NCAM2: variants seen among roughly 807,000 people sequenced by gnomAD.
NCAM2 encodes the protein neural cell adhesion molecule 2, also known as N-CAM-2.
Under a neutral mutation model 98.1 loss-of-function variants are expected in NCAM2, and 30 were observed. The ratio of observed to expected loss-of-function variants is 0.31; its 90% CI spans 0.23 to 0.41. The LOEUF (loss-of-function observed/expected upper bound fraction) is 0.41, where lower values mean the gene tolerates loss of function less well. Among genes scored for constraint, NCAM2 ranks in the 10% least tolerant of loss-of-function variants. The pLI is 1.00. For synonymous variants in NCAM2, 368 were observed against 342.4 expected (o/e 1.07, Z -0.83); for missense variants, 867 against 1,005.8 (o/e 0.86, Z 1.87).
chr21:21,189,752 G>A (rs969576354), intron 1 of NCAM2, among the ~76,000 whole-genome samples: 7 of 152,068 alleles, frequency 4.6e-5, no homozygotes, highest in Non-Finnish European at 8.8e-5. Flanking sequence ...GTTTATAGAA[G>A]GGTCTTTCTG....
intron 1 of NCAM2, among the ~76,000 whole-genome samples, chr21:21,154,695 C>T (rs2067556577): frequency 6.6e-6 from 1 of 151,718 alleles, no homozygotes; most frequent in Admixed American, 6.6e-5. Flanking sequence ...AGAGTCTGCC[C>T]AGAAAACTCT....
chr21:21,084,413 A>T (rs2065868711), intron 1 of NCAM2, among the ~76,000 whole-genome samples: 1 of 152,132 alleles, frequency 6.6e-6, no homozygotes, highest in Admixed American at 6.5e-5. Context: ...AGTGTTTTTC[A>T]TGTTGTTCTT....
chr21:21,212,861 G>A (rs1316439912), intron 1 of NCAM2, among the ~76,000 whole-genome samples: 1 of 150,904 alleles, frequency 6.6e-6, no homozygotes, highest in Non-Finnish European at 1.5e-5. Flanking sequence ...TCCTGCCTCA[G>A]CCTCCCGAGT....
chr21:21,088,071 G>C (rs1166680829), intron 1 of NCAM2, among the ~76,000 whole-genome samples: 1 of 151,916 alleles, frequency 6.6e-6, no homozygotes, highest in Non-Finnish European at 1.5e-5. Context: ...AACTGTAATT[G>C]CATATGGCTA....
At chr21:21,058,042 A>G (rs907188684) in intron 1 of NCAM2, among the ~76,000 whole-genome samples, 1 of 151,758 alleles carries the variant, frequency 6.6e-6, no homozygotes, top group African/African-American at 2.4e-5. Context: ...TCCTTAATCA[A>G]CAGCCATCTG....
chr21:21,530,137 AATTTAATTTAATTATATATG>A (rs1989555730), intron 16 of NCAM2, among the ~76,000 whole-genome samples: 2 of 143,396 alleles, frequency 1.4e-5, no homozygotes, highest in African/African-American at 5.0e-5. Context: ...TATATGATTT[AATTTAATTTAATTATATATG>A]ATTTAATTTA....
chr21:21,039,091 GTAGT>G (rs953807645), intron 1 of NCAM2, among the ~76,000 whole-genome samples: 6 of 152,158 alleles, frequency 3.9e-5, no homozygotes, highest in African/African-American at 1.4e-4. Flanking sequence ...TATATGACAT[GTAGT>G]TAATTAAGAA....
chr21:21,266,544 A>G (rs1023262730), intron 1 of NCAM2, among the ~76,000 whole-genome samples: 6 of 152,138 alleles, frequency 3.9e-5, no homozygotes, highest in Non-Finnish European at 7.3e-5. Flanking sequence ...TGCAGCCATA[A>G]AAAAGGATGA....
At chr21:21,329,115 C>T (rs575122480) in intron 6 of NCAM2, among the ~76,000 whole-genome samples, 18 of 151,986 alleles carry the variant, frequency 1.2e-4, no homozygotes, top group East Asian at 1.9e-4. Context: ...CCACCATGCC[C>T]GGCTAATTTT....
intron 12 of NCAM2, among the ~76,000 whole-genome samples, chr21:21,451,418 ATTAATTC>A (rs1981053068): frequency 6.6e-6 from 1 of 152,192 alleles, no homozygotes; most frequent in Admixed American, 6.6e-5. Context: ...GTTCTTCAAT[ATTAATTC>A]TTAATGAACA....
In NCAM2 at chr21:21,265,116, A is replaced by AGTATATATGTATATATTATATATG. The variant is rs1568855857; in HGVS notation, c.56-15462_56-15461insGTATATATGTATATATTATATATG. ...ATATATACATATATAATATATATACATACATATATTATATATACATATATA... is the reference window on the plus strand; with the variant it reads ...ATATATACATATATAATATATATACAGTATATATGTATATATTATATATGTACATATATTATATATACATATATA... On this transcript the variant is annotated intron_variant, in intron 1 of 17. Coordinates refer to ENST00000400546, the MANE Select transcript of NCAM2 (RefSeq NM_004540.5). Among the ~76,000 whole-genome samples, 95 of 46,016 alleles carry AGTATATATGTATATATTATATATG rather than the reference A, an allele frequency of 2.1e-3. 1 individual carries two copies. Among genetic ancestry groups the AGTATATATGTATATATTATATATG allele is most frequent in the African/African-American group, 6.2e-3 (90 of 14,582 alleles). 30.2% of individuals were successfully genotyped at this position (46,016 alleles called of 152,430 possible). A position where few individuals can be genotyped will look rare whatever the true frequency, so the allele number is the denominator to read the frequency against.
rs376261615 is a variant in NCAM2, at chr21:21,106,621, T to C, written c.55+108003T>C. 4.6e-5 allele frequency among the ~76,000 whole-genome samples: 7 copies of C among 151,950 alleles called. No individual in the cohort carries two copies. In the South Asian group the frequency reaches 1.0e-3, roughly 23 times the overall value. ...TTTGTAGTCTTTATGCTTACATCTT[T>C]AGGTCTTTAGAAAACATTATTTTTA... On this transcript the variant is annotated intron_variant, in intron 1 of 17. Transcript: ENST00000400546.
intron 15 of NCAM2, among the ~76,000 whole-genome samples, chr21:21,505,221 A>G (rs549804619): frequency 6.6e-6 from 1 of 152,178 alleles, no homozygotes; most frequent in African/African-American, 2.4e-5. Context: ...GGGCTCCTAT[A>G]TGGTTAAAAA....
chr21:21,474,244 T>G (rs962781369), intron 14 of NCAM2, among the ~76,000 whole-genome samples: 3 of 151,956 alleles, frequency 2.0e-5, no homozygotes, highest in Non-Finnish European at 4.4e-5. Context: ...GAAAGGAAAA[T>G]GTAATTGATT....
chr21:21,243,634 ACTAT>A (rs1437875257), intron 1 of NCAM2, among the ~76,000 whole-genome samples: 1 of 152,138 alleles, frequency 6.6e-6, no homozygotes, highest in African/African-American at 2.4e-5. Context: ...CCATCACATG[ACTAT>A]CTAGCTTAAG....
intron 8 of NCAM2, among the ~76,000 whole-genome samples, chr21:21,347,732 G>A (rs575811174): frequency 1.3e-5 from 2 of 152,032 alleles, no homozygotes; most frequent in South Asian, 4.1e-4. Flanking sequence ...AAAATCCTCA[G>A]CAAAATACTA....
At chr21:21,488,580 A>C (rs1367658502) in intron 15 of NCAM2, among the ~76,000 whole-genome samples, 1 of 152,010 alleles carries the variant, frequency 6.6e-6, no homozygotes, top group African/African-American at 2.4e-5. Flanking sequence ...ATGGATACTG[A>C]TATCAATACA....
At chr21:21,276,481 GA>G in intron 1 of NCAM2, among the ~76,000 whole-genome samples, 1 of 152,094 alleles carries the variant, frequency 6.6e-6, no homozygotes, top group South Asian at 2.1e-4. Flanking sequence ...CCTTAAGTAA[GA>G]AATTTGTGAT....
intron 12 of NCAM2, among the ~76,000 whole-genome samples, chr21:21,453,157 A>G (rs1207018469): frequency 7.1e-6 from 1 of 141,468 alleles, no homozygotes; most frequent in Non-Finnish European, 1.5e-5. Flanking sequence ...TGTTTAATAT[A>G]TCAAAATTTA....
Sources: allele counts gnomAD v4.1 joint callset (sites outside exome capture counted in the v4.1 genomes callset), GRCh38; gene constraint gnomAD v4.1.1; transcripts MANE v1.5; gene names NCBI Gene and HGNC (gene_info 2026-07-23, HGNC 2026-07-21).